The following N4BP2L2 variants were observed in gnomAD, a reference collection of about 807,000 sequenced individuals.
N4BP2L2 encodes the protein NEDD4-binding protein 2-like 2.
In N4BP2L2, 50 loss-of-function variants were observed where a neutral mutation model predicts 56.2. The ratio of observed to expected loss-of-function variants is 0.89; its 90% CI spans 0.71 to 1.13. The LOEUF is 1.13. N4BP2L2 is among the 50% of genes most tolerant of loss of function. N4BP2L2 has a pLI of 0.00. For synonymous variants in N4BP2L2, 203 were observed against 223.6 expected (o/e 0.91, Z 0.82); for missense variants, 689 against 693.8 (o/e 0.99, Z 0.08).
At chr13:32,496,089 G>A (rs1296135141) in intron 6 of N4BP2L2, among the ~76,000 whole-genome samples, 2 of 152,188 alleles carry the variant, frequency 1.3e-5, no homozygotes, top group Non-Finnish European at 2.9e-5. Context: ...AATTTTGAAT[G>A]AGGCAGCCAG....
intron 6 of N4BP2L2, chr13:32,504,953 T>A (rs1480580642): frequency 3.3e-5 from 5 of 152,244 alleles, no homozygotes; most frequent in African/African-American, 4.8e-5. Flanking sequence ...CCATTAGATT[T>A]TAAGGCTCAA....
chr13:32,536,987 C>G, exon 2 of N4BP2L2: 1 of 1,597,740 alleles, frequency 6.3e-7, no homozygotes, highest in Non-Finnish European at 8.5e-7. Flanking sequence ...TACTTCTTCT[C>G]TAGGTCCCAA....
At chr13:32,478,042 C>T in intron 6 of N4BP2L2, 1 of 1,289,032 alleles carries the variant, frequency 7.8e-7, no homozygotes, top group South Asian at 1.2e-5. Flanking sequence ...CATTAGTCTG[C>T]TGGTTGCTGT....
rs2076682465 is a variant in N4BP2L2, at chr13:32,444,121, CT to C, written c.370del (p.Arg124GlufsTer3). 1 of 1,497,858 alleles carries C rather than the reference CT, an allele frequency of 6.7e-7. No individual in the cohort carries two copies. Among genetic ancestry groups the C allele is most frequent in the Non-Finnish European group, 8.9e-7 (1 of 1,125,474 alleles). 92.8% of individuals were successfully genotyped at this position (1,497,858 alleles called of 1,614,324 possible). On this transcript the variant is annotated frameshift_variant, in exon 7 of 10. Coordinates refer to the N4BP2L2 transcript ENST00000357505. LOFTEE classifies it high-confidence loss of function. The stretch of plus-strand genomic sequence containing the variant: ...CCTATGCCCAGTTTTCTTCAAAACT[CT>C]TTCTCTGAAATATTAAAGAATTAAG...
intron 6 of N4BP2L2, among the ~76,000 whole-genome samples, chr13:32,452,531 T>C (rs1041370650): frequency 2.0e-5 from 3 of 152,238 alleles, no homozygotes; most frequent in Non-Finnish European, 2.9e-5. Flanking sequence ...ATTTAACTGG[T>C]TTATCTCAAG....
At chr13:32,496,365 C>T (rs1285159706) in intron 6 of N4BP2L2, among the ~76,000 whole-genome samples, 1 of 151,972 alleles carries the variant, frequency 6.6e-6, no homozygotes, top group East Asian at 1.9e-4. Flanking sequence ...TATTTAAGAC[C>T]ACCGCCTTAC....
exon 7 of N4BP2L2, chr13:32,444,098 T>C (rs2076681005): frequency 6.5e-7 from 1 of 1,540,280 alleles, no homozygotes; most frequent in South Asian, 1.3e-5. Flanking sequence ...TTGCTGAGCC[T>C]ATGCCCAGTT....
exon 6 of N4BP2L2, chr13:32,517,879 G>A (rs1018793414): frequency 6.2e-7 from 1 of 1,614,130 alleles, no homozygotes; most frequent in Non-Finnish European, 8.5e-7. Flanking sequence ...TGTGGAGGAG[G>A]AGGTCTTTGT....
intron 6 of N4BP2L2, among the ~76,000 whole-genome samples, chr13:32,456,748 G>A (rs953167208): frequency 3.4e-4 from 52 of 152,190 alleles, no homozygotes; most frequent in African/African-American, 1.0e-3. Context: ...AAATACATTT[G>A]AGAACTTCCA....
At chr13:32,520,420 C>T (rs1237725575) in intron 5 of N4BP2L2, among the ~76,000 whole-genome samples, 5 of 150,792 alleles carry the variant, frequency 3.3e-5, no homozygotes, top group African/African-American at 7.3e-5. Flanking sequence ...TCTGGGAGGC[C>T]GAGCAAGGTG....
intron 5 of N4BP2L2, among the ~76,000 whole-genome samples, chr13:32,519,111 G>GA (rs988318774): frequency 2.0e-5 from 3 of 151,992 alleles, no homozygotes; most frequent in Non-Finnish European, 2.9e-5. Context: ...AAAGATAGAA[G>GA]AAAAAATGCG....
At chr13:32,530,291 T>C (rs1048268059) in intron 2 of N4BP2L2, among the ~76,000 whole-genome samples, 6 of 152,210 alleles carry the variant, frequency 3.9e-5, no homozygotes, top group Admixed American at 1.3e-4. Flanking sequence ...ATTTTTCAAA[T>C]TCCGTGAATT....
chr13:32,527,513 G>A (rs774091256), exon 3 of N4BP2L2: 10 of 1,612,830 alleles, frequency 6.2e-6, no homozygotes, highest in Non-Finnish European at 6.8e-6. Context: ...ATGCCATCAC[G>A]ATTCTGACCA....
chr13:32,438,488 A>G (rs2075777478), intron 8 of N4BP2L2, among the ~76,000 whole-genome samples: 1 of 152,168 alleles, frequency 6.6e-6, no homozygotes, highest in African/African-American at 2.4e-5. Context: ...AATCCCAGCT[A>G]CTAGGGAGGC....
intron 6 of N4BP2L2, among the ~76,000 whole-genome samples, chr13:32,495,147 T>A (rs1362992811): frequency 6.6e-6 from 1 of 152,218 alleles, no homozygotes; most frequent in African/African-American, 2.4e-5. Flanking sequence ...CAAACTGCTA[T>A]GGATACTCAA....
chr13:32,446,166 A>G (rs910923873), intron 6 of N4BP2L2, among the ~76,000 whole-genome samples: 4 of 152,240 alleles, frequency 2.6e-5, no homozygotes, highest in Non-Finnish European at 4.4e-5. Context: ...TTCAATAGGT[A>G]GGACACATGA....
At chr13:32,520,485 C>T (rs931341465) in intron 5 of N4BP2L2, among the ~76,000 whole-genome samples, 25 of 151,666 alleles carry the variant, frequency 1.6e-4, no homozygotes, top group African/African-American at 6.1e-4. Flanking sequence ...GGTGAAACCC[C>T]GTCTCTACTA....
intron 6 of N4BP2L2, chr13:32,490,085 A>G (rs1193325488): frequency 2.0e-5 from 3 of 151,816 alleles, no homozygotes; most frequent in African/African-American, 7.3e-5. Flanking sequence ...TACACACATA[A>G]TCTTACCCTG....
intron 6 of N4BP2L2, among the ~76,000 whole-genome samples, chr13:32,468,821 T>A (rs2081745393): frequency 6.6e-6 from 1 of 152,156 alleles, no homozygotes; most frequent in South Asian, 2.1e-4. Flanking sequence ...TTGTTCGTCT[T>A]ATAGATAGAC....
Sources: allele counts gnomAD v4.1 joint callset (sites outside exome capture counted in the v4.1 genomes callset), GRCh38; gene constraint gnomAD v4.1.1; transcripts MANE v1.5; gene names NCBI Gene and HGNC (gene_info 2026-07-23, HGNC 2026-07-21).